ANKH: variants seen among roughly 807,000 people sequenced by gnomAD.
ANKH encodes ANKH inorganic pyrophosphate transport regulator, also known as mineralization regulator ANKH.
ANKH carries 15 observed loss-of-function variants against 49.0 expected under a neutral mutation model. That is an observed-to-expected ratio of 0.31 (90% CI 0.20 to 0.47). The LOEUF (loss-of-function observed/expected upper bound fraction) is 0.47, where lower values mean the gene tolerates loss of function less well. ANKH is among the 20% of genes least tolerant of loss of function. ANKH has a pLI of 1.00. For synonymous variants in ANKH, 273 were observed against 260.0 expected (o/e 1.05, Z -0.48); for missense variants, 429 against 652.0 (o/e 0.66, Z 3.72).
intron 4 of ANKH, among the ~76,000 whole-genome samples, chr5:14,754,240 G>A (rs1002078770): frequency 2.0e-5 from 3 of 152,156 alleles, no homozygotes; most frequent in Non-Finnish European, 2.9e-5. Context: ...AAGGAAAATG[G>A]CTGTAGGTGT....
At chr5:14,738,294 T>G (rs1315064582) in intron 8 of ANKH, among the ~76,000 whole-genome samples, 1 of 152,194 alleles carries the variant, frequency 6.6e-6, no homozygotes, top group Non-Finnish European at 1.5e-5. Context: ...TGAACTCAAA[T>G]GTCAGGGCCT....
Position 14,725,306 on chromosome 5 carries a change from G to A in ANKH, c.1012-8471C>T, listed in dbSNP as rs1737789862. Among the ~76,000 whole-genome samples, 1 of 152,224 alleles carries A rather than the reference G, an allele frequency of 6.6e-6. No homozygotes were observed. The highest frequency in any genetic ancestry group is 2.4e-5 in the African/African-American group (1 of 41,454). On this transcript the variant is annotated intron_variant, in intron 8 of 11. Transcript: ENST00000284268. The surrounding 1 kb of genome is among the most constrained non-coding windows in gnomAD (Gnocchi z 4.0). ...CTGTGTGGACTGGGCTGCCCAGAGT[G>A]CTGGTCTGCCAACTGTGGACTGGTC...
At chr5:14,796,515 A>T (rs1378191653) in intron 1 of ANKH, among the ~76,000 whole-genome samples, 2 of 151,690 alleles carry the variant, frequency 1.3e-5, no homozygotes, top group African/African-American at 4.8e-5. Context: ...CAGGAAATAA[A>T]CAACATGAAA....
chr5:14,746,343 T>A (rs1738542506), intron 6 of ANKH, among the ~76,000 whole-genome samples: 1 of 151,458 alleles, frequency 6.6e-6, no homozygotes, highest in Non-Finnish European at 1.5e-5. Context: ...GAGACCAGAG[T>A]TTATTATTAC....
rs540164481 is a variant in ANKH at position 14,709,793 on chromosome 5, T to C, written c.*1404A>G. ...ACAATACGTTTCAACTGCAGGTATG[T>C]TGAGCACACAAGCAATCACCGTATT... On this transcript the variant is annotated 3_prime_UTR_variant, in exon 12 of 12. Coordinates refer to ENST00000284268, the MANE Select transcript of ANKH (RefSeq NM_054027.6). 2.0e-5 allele frequency: 3 copies of C among 152,642 alleles called. No homozygotes were observed. Among genetic ancestry groups the C allele is most frequent in the Non-Finnish European group, 2.9e-5 (2 of 68,044 alleles). 9.5% of individuals were successfully genotyped at this position (152,642 alleles called of 1,614,324 possible). A position where few individuals can be genotyped will look rare whatever the true frequency, so the allele number is the denominator to read the frequency against.
At chr5:14,818,146 G>T (rs1741093738) in intron 1 of ANKH, among the ~76,000 whole-genome samples, 2 of 151,180 alleles carry the variant, frequency 1.3e-5, no homozygotes, top group South Asian at 2.1e-4. Flanking sequence ...ACCCATACCG[G>T]TTATAATTCA....
At position 14,860,690 on chromosome 5, in the gene ANKH, C is replaced by T. The variant is rs137886721; in HGVS notation, c.96+10662G>A. Among the ~76,000 whole-genome samples the T allele has an allele frequency of 8.7e-3, 1,328 of 152,250 alleles. 21 individuals carry two copies. The highest frequency in any genetic ancestry group is 0.03 in the African/African-American group (1,237 of 41,538). On this transcript the variant is annotated intron_variant, in intron 1 of 11. Coordinates refer to ENST00000284268, the MANE Select transcript of ANKH (RefSeq NM_054027.6). ...ACAAAGCAGCCCCAGCTAAGTCAAA[C>T]GGCAAATTAGAAAACGGCAGGCAGA...
intron 1 of ANKH, among the ~76,000 whole-genome samples, chr5:14,784,216 A>G (rs2126534116): frequency 6.6e-6 from 1 of 152,350 alleles, no homozygotes; most frequent in Middle Eastern, 3.4e-3. Context: ...AGTTTTATCT[A>G]ACAACATAAT....
rs1046910395 is a variant in ANKH, at chr5:14,768,851, A to G, written c.313+124T>C. On this transcript the variant is annotated intron_variant, in intron 2 of 11. Transcript: ENST00000284268. Reference sequence around the variant, plus strand: ...AGCGCTTTCCTTCTATCCCCTGAAAATTTCATAAGAAACATTTGATAATTA... The same window carrying G: ...AGCGCTTTCCTTCTATCCCCTGAAAGTTTCATAAGAAACATTTGATAATTA... The G allele has an allele frequency of 4.4e-6, 5 of 1,133,638 alleles. No homozygotes were observed. In the African/African-American group the frequency reaches 7.7e-5, roughly 17 times the overall value. The allele number at this position is 1,133,638 out of a possible 1,614,324, so 70.2% of individuals were successfully genotyped here. A position where few individuals can be genotyped will look rare whatever the true frequency, so the allele number is the denominator to read the frequency against.
chr5:14,714,449 A>T (rs1737366428), intron 9 of ANKH, among the ~76,000 whole-genome samples: 1 of 151,998 alleles, frequency 6.6e-6, no homozygotes, highest in Non-Finnish European at 1.5e-5. Context: ...CTGGGCCTTG[A>T]AGAGAGGGCC....
chr5:14,805,852 C>T (rs370561049), intron 1 of ANKH, among the ~76,000 whole-genome samples: 1 of 152,082 alleles, frequency 6.6e-6, no homozygotes. Flanking sequence ...GCTGCTGCCT[C>T]GATAAAGCCG....
intron 1 of ANKH, among the ~76,000 whole-genome samples, chr5:14,795,333 C>A (rs1302994189): frequency 1.3e-5 from 2 of 152,070 alleles, no homozygotes; most frequent in African/African-American, 4.8e-5. Context: ...GAACAGTGAA[C>A]ATTTTCTGCA....
chr5:14,858,527 C>T (rs1396730782), intron 1 of ANKH, among the ~76,000 whole-genome samples: 1 of 151,994 alleles, frequency 6.6e-6, no homozygotes, highest in African/African-American at 2.4e-5. Flanking sequence ...ATAAGCCTGG[C>T]CAGCATGGCG....
In ANKH at chr5:14,713,610, A is replaced by G. The variant is rs962739763; in HGVS notation, c.1199T>C (p.Leu400Pro). The G allele has an allele frequency of 6.2e-7, 1 of 1,614,208 alleles. No homozygotes were observed. The highest frequency in any genetic ancestry group is 8.5e-7 in the Non-Finnish European group (1 of 1,180,034). The change falls in exon 10 of 12, where the codon CTT becomes CCT. Residue 400 changes from leucine to proline, a missense_variant. By Grantham distance (98) the Leu-to-Pro change is moderately conservative. Transcript: ENST00000284268. The surrounding 1 kb of genome is among the most constrained non-coding windows in gnomAD (Gnocchi z 4.4). ...GATCCGCAGCACAGAGCTGGGGGCAAGGACGAAGGTTTTCTTCAGTGTCAT... is the reference window on the plus strand; with the variant it reads ...GATCCGCAGCACAGAGCTGGGGGCAGGGACGAAGGTTTTCTTCAGTGTCAT... ...WLMTLKKTFV[L>P]APSSVLRIIV...
At chr5:14,848,771 C>A (rs939732653) in intron 1 of ANKH, among the ~76,000 whole-genome samples, 1 of 152,244 alleles carries the variant, frequency 6.6e-6, no homozygotes, top group Non-Finnish European at 1.5e-5. Flanking sequence ...AGCTATAACA[C>A]TCACCGCATG....
chr5:14,820,407 GACT>G (rs1194205555), intron 1 of ANKH, among the ~76,000 whole-genome samples: 1 of 152,138 alleles, frequency 6.6e-6, no homozygotes, highest in African/African-American at 2.4e-5. Flanking sequence ...CTTTATTTGG[GACT>G]ATTGCAATAG....
intron 1 of ANKH, chr5:14,869,986 A>C (rs1013648219): frequency 3.3e-5 from 5 of 152,210 alleles, no homozygotes; most frequent in African/African-American, 1.2e-4. Flanking sequence ...GATTGTAGGA[A>C]GTGTTCAAAG....
At chr5:14,797,415 T>C (rs529573057) in intron 1 of ANKH, 13 of 1,611,036 alleles carry the variant, frequency 8.1e-6, no homozygotes, top group South Asian at 1.1e-5. Context: ...AATAGTCTCA[T>C]TGTGAGGTGA....
intron 8 of ANKH, among the ~76,000 whole-genome samples, chr5:14,736,818 G>A (rs962156910): frequency 6.6e-6 from 1 of 152,188 alleles, no homozygotes; most frequent in Non-Finnish European, 1.5e-5. Context: ...AGATCCATCT[G>A]GAGAGATCCC....
Sources: gnomAD v4.1 joint callset for allele counts (sites outside exome capture counted in the v4.1 genomes callset) on GRCh38, gnomAD v4.1.1 for gene constraint, Gnocchi (gnomAD v3.1) non-coding constraint, MANE v1.5 for transcripts, NCBI Gene and HGNC (gene_info 2026-07-23, HGNC 2026-07-21) for gene names.